The following REC114 variants were observed in gnomAD, a reference collection of about 807,000 sequenced individuals.
REC114 encodes meiotic recombination protein REC114.
In REC114, 27 loss-of-function variants were observed where a neutral mutation model predicts 31.3. That is an observed-to-expected ratio of 0.86 (90% CI 0.64 to 1.19). The LOEUF is 1.19. Ranked by LOEUF, REC114 falls within the 50% of genes most tolerant of loss-of-function variation. REC114 has a pLI of 0.00. For missense variants in REC114, 344 were observed against 326.9 expected, an observed-to-expected ratio of 1.05 and a Z score of -0.40; for synonymous variants, 134 against 127.7, an observed-to-expected ratio of 1.05 and a Z score of -0.33.
chr15:73,482,003 A>C (rs866403442), intron 2 of REC114, among the ~76,000 whole-genome samples: 3 of 152,222 alleles, frequency 2.0e-5, no homozygotes, highest in Admixed American at 1.3e-4. Context: ...CATTAAGTAC[A>C]TTCCTATCAT....
In REC114 at chr15:73,559,755, C is replaced by A. The variant is rs899235456; in HGVS notation, c.640C>A (p.Leu214Ile). ...RTSLTQLAQT[L>I]LASEELPHVY... ...GACTTTTCTGGTATCCCTGCAGACT[C>A]TTCTGGCATCGGAGGAGCTGCCCCA... is the stretch of plus-strand genomic sequence containing the variant. Residue 214 changes from leucine to isoleucine, a missense_variant, in exon 6 of 6, where the codon CTT (leucine) becomes ATT (isoleucine). By Grantham distance (5) the Leu-to-Ile change is conservative (BLOSUM62 2). Transcript: ENST00000331090. The A allele has an allele frequency of 1.1e-5, 18 of 1,566,030 alleles. No individual in the cohort carries two copies. The highest frequency in any genetic ancestry group is 1.5e-5 in the Non-Finnish European group (18 of 1,162,790).
intron 5 of REC114, among the ~76,000 whole-genome samples, chr15:73,557,730 C>T (rs1894492720): frequency 6.6e-6 from 1 of 152,148 alleles, no homozygotes; most frequent in African/African-American, 2.4e-5. Flanking sequence ...AAAGGCATAC[C>T]TTTGCCCAGT....
rs1201400243 is a variant in REC114, at chr15:73,443,200, A to G, written c.15A>G (p.Gly5=). Residue 5 remains glycine, a synonymous_variant, in exon 1 of 6, where the codon GGA becomes GGG. Transcript: ENST00000331090. The stretch of plus-strand genomic sequence containing the variant: ...TGAGGCAGGACATGGCGGAGGCAGG[A>G]AAAGTGCCCTTGAGCCTCGGGCTTA... MAEA[G]KVPLSLGLTG... The G allele has an allele frequency of 1.0e-5, 16 of 1,571,252 alleles. No individual in the cohort carries two copies. The highest frequency in any genetic ancestry group is 1.4e-5 in the African/African-American group (1 of 74,032).
chr15:73,500,746 T>C (rs1298710252), intron 2 of REC114, among the ~76,000 whole-genome samples: 11 of 146,728 alleles, frequency 7.5e-5, no homozygotes, highest in Non-Finnish European at 5.9e-5. Context: ...TTTTTTTTTT[T>C]CACTGCTGGT....
At chr15:73,501,845 C>A (rs1003387558) in intron 2 of REC114, among the ~76,000 whole-genome samples, 2 of 152,176 alleles carry the variant, frequency 1.3e-5, no homozygotes, top group Non-Finnish European at 2.9e-5. Flanking sequence ...ATAATCAGAA[C>A]AGATACAAGG....
chr15:73,513,193 TTTCATCTTCCATTGCTGATAC>T (rs1893800727), intron 2 of REC114, among the ~76,000 whole-genome samples: 1 of 148,994 alleles, frequency 6.7e-6, no homozygotes, highest in Admixed American at 6.7e-5. Flanking sequence ...ATTTCATTCA[TTTCATCTTCCATTGCTGATAC>T]CCTTTCTTCC....
chr15:73,535,666 A>G (rs1204457195), intron 2 of REC114, among the ~76,000 whole-genome samples: 1 of 144,904 alleles, frequency 6.9e-6, no homozygotes, highest in Non-Finnish European at 1.5e-5. Context: ...ACAGAATTGG[A>G]AAAAACTACT....
intron 4 of REC114, 95 bp downstream of exon 4, chr15:73,551,245 G>A (rs1894388829): frequency 3.2e-6 from 4 of 1,231,492 alleles, no homozygotes; most frequent in Non-Finnish European, 4.6e-6. Flanking sequence ...AGTCTGTTAG[G>A]TTTGTAGTTT....
At chr15:73,462,850 A>C (rs888489074) in intron 1 of REC114, among the ~76,000 whole-genome samples, 1 of 143,274 alleles carries the variant, frequency 7.0e-6, no homozygotes, top group South Asian at 2.2e-4. Flanking sequence ...GTGCCATTGC[A>C]CTCCAGCCTG....
intron 1 of REC114, among the ~76,000 whole-genome samples, chr15:73,459,470 G>A (rs987661060): frequency 6.6e-6 from 1 of 152,048 alleles, no homozygotes; most frequent in African/African-American, 2.4e-5. Context: ...GACCTCAGAT[G>A]ATCCACCCGC....
chr15:73,514,314 C>T (rs1045287928), intron 2 of REC114, among the ~76,000 whole-genome samples: 1 of 151,658 alleles, frequency 6.6e-6, no homozygotes, highest in East Asian at 1.9e-4. Flanking sequence ...GCGCACGGTG[C>T]GCGCACCCAC....
At chr15:73,462,988 CATG>C (rs1339430305) in intron 1 of REC114, among the ~76,000 whole-genome samples, 1 of 151,762 alleles carries the variant, frequency 6.6e-6, no homozygotes, top group East Asian at 1.9e-4. Context: ...AAATCCCAGA[CATG>C]ATATCATTTC....
intron 1 of REC114, 101 bp downstream of exon 1, chr15:73,443,445 G>A (rs1187085776): frequency 1.5e-6 from 2 of 1,347,038 alleles, no homozygotes; most frequent in African/African-American, 2.9e-5. Flanking sequence ...AATGCCGAGG[G>A]GACACCGAGT....
intron 4 of REC114, among the ~76,000 whole-genome samples, chr15:73,554,920 A>G (rs1296474012): frequency 1.3e-5 from 2 of 152,260 alleles, no homozygotes; most frequent in East Asian, 3.8e-4. Flanking sequence ...ACTAGGCACT[A>G]GAGGCTGCCT....
chr15:73,465,001 C>T (rs1452057435), intron 1 of REC114, among the ~76,000 whole-genome samples: 1 of 152,182 alleles, frequency 6.6e-6, no homozygotes, highest in East Asian at 1.9e-4. Context: ...AAGAGATTCA[C>T]CTGCCTCAGC....
At chr15:73,473,238 A>G (rs1893158085) in intron 1 of REC114, among the ~76,000 whole-genome samples, 1 of 151,988 alleles carries the variant, frequency 6.6e-6, no homozygotes. Context: ...AAAATACAAA[A>G]ATTAACCGGG....
chr15:73,526,758 C>A (rs914937616), intron 2 of REC114, among the ~76,000 whole-genome samples: 1 of 152,130 alleles, frequency 6.6e-6, no homozygotes, highest in Non-Finnish European at 1.5e-5. Flanking sequence ...GCTGGTTTTT[C>A]ATATATCTAG....
chr15:73,489,486 G>C (rs372221893), intron 2 of REC114, among the ~76,000 whole-genome samples: 1 of 151,766 alleles, frequency 6.6e-6, no homozygotes, highest in African/African-American at 2.4e-5. Flanking sequence ...GATTACAGGC[G>C]TGAGCCACCA....
chr15:73,544,585 TC>T (rs763462511), intron 3 of REC114, among the ~76,000 whole-genome samples: 33 of 152,176 alleles, frequency 2.2e-4, no homozygotes, highest in Non-Finnish European at 3.7e-4. Flanking sequence ...TAATTCCTTA[TC>T]TTAAGGGCAC....
Sources: allele counts gnomAD v4.1 joint callset (sites outside exome capture counted in the v4.1 genomes callset), GRCh38; gene constraint gnomAD v4.1.1; transcripts MANE v1.5; gene names NCBI Gene and HGNC (gene_info 2026-07-23, HGNC 2026-07-21).